The following CDH6 variants were observed in gnomAD, a reference collection of about 807,000 sequenced individuals.
CDH6 encodes cadherin-6.
A neutral mutation model predicts 78.0 loss-of-function variants in CDH6; 31 were observed. That is an observed-to-expected ratio of 0.40 (90% CI 0.30 to 0.54). The LOEUF is 0.54. Among genes scored for constraint, CDH6 ranks in the 20% least tolerant of loss-of-function variants. CDH6 has a pLI of 0.56. For missense variants in CDH6, 724 were observed against 975.9 expected (o/e 0.74, Z 3.44); for synonymous variants, 376 against 368.8 (o/e 1.02, Z -0.23).
At chr5:31,249,479 A>G (rs1284879352) in intron 1 of CDH6, 1 of 152,254 alleles carries the variant, frequency 6.6e-6, no homozygotes, top group Non-Finnish European at 1.5e-5. Flanking sequence ...GTACACCTAC[A>G]AGGAGAGTTT....
intron 2 of CDH6, among the ~76,000 whole-genome samples, chr5:31,279,778 A>G (rs1358530919): frequency 1.3e-5 from 2 of 152,142 alleles, no homozygotes; most frequent in Admixed American, 6.6e-5. Flanking sequence ...GTGGACGCAT[A>G]CAGTTCAAAT....
chr5:31,282,227 G>A (rs1331328966), intron 2 of CDH6, among the ~76,000 whole-genome samples: 1 of 152,006 alleles, frequency 6.6e-6, no homozygotes, highest in Non-Finnish European at 1.5e-5. Context: ...GGTTTCACTG[G>A]GCTAAAATCA....
At chr5:31,225,290 G>C (rs979237998) in intron 1 of CDH6, among the ~76,000 whole-genome samples, 1 of 152,210 alleles carries the variant, frequency 6.6e-6, no homozygotes, top group Non-Finnish European at 1.5e-5. Flanking sequence ...GCAGAGGGCT[G>C]ACATCATCCC....
In CDH6 at chr5:31,275,368, T is replaced by C. The variant is rs116747497; in HGVS notation, c.228+7667T>C. On this transcript the variant is annotated intron_variant, in intron 2 of 11. Transcript: ENST00000265071. ...CTCCCTCCCACCTCCCTCCCCACTC[T>C]AGTAGTCCCCAGTGCCTATTGTTGC... is the stretch of plus-strand genomic sequence containing the variant. Among the ~76,000 whole-genome samples the C allele has an allele frequency of 3.5e-3, 533 of 152,076 alleles. 3 individuals carry two copies. Among genetic ancestry groups the C allele is most frequent in the Non-Finnish European group, 4.8e-3 (329 of 67,938 alleles).
intron 3 of CDH6, among the ~76,000 whole-genome samples, chr5:31,296,644 T>C (rs112346289): frequency 1.3e-5 from 2 of 152,186 alleles, no homozygotes; most frequent in African/African-American, 4.8e-5. Flanking sequence ...TATTGGTAAG[T>C]AACAAGAAAT....
At chr5:31,297,256 A>G (rs1579894674) in intron 3 of CDH6, 33 bp from the exon 4 acceptor site, 2 of 1,590,942 alleles carry the variant, frequency 1.3e-6, no homozygotes, top group East Asian at 4.5e-5. Flanking sequence ...TGAACTCTTG[A>G]TGTGTTTTCA....
In CDH6 at chr5:31,321,498, A is replaced by T. The variant is rs1026650273; in HGVS notation, c.1883-1320A>T. Among the ~76,000 whole-genome samples the T allele has an allele frequency of 3.3e-5, 5 of 152,214 alleles. No individual in the cohort carries two copies. The East Asian group carries it at 7.7e-4, about 23-fold the overall frequency. ...TCCTCTTATGTAAAATGGGGTTTTAATGATGGTATCTACTTGTAGGGCTAT... is the reference window on the plus strand; with the variant it reads ...TCCTCTTATGTAAAATGGGGTTTTATTGATGGTATCTACTTGTAGGGCTAT... On this transcript the variant is annotated intron_variant, in intron 11 of 11. Transcript: ENST00000265071.
chr5:31,300,459 T>A (rs541402820), intron 5 of CDH6, among the ~76,000 whole-genome samples: 1 of 152,192 alleles, frequency 6.6e-6, no homozygotes, highest in South Asian at 2.1e-4. Flanking sequence ...GAAGTAGTTT[T>A]ATTTTCTTTA....
chr5:31,228,566 C>T (rs547311291), intron 1 of CDH6, among the ~76,000 whole-genome samples: 67 of 152,254 alleles, frequency 4.4e-4, no homozygotes, highest in Middle Eastern at 3.4e-3. Flanking sequence ...GCACTAGGAA[C>T]TGGTTTTGTG....
At chr5:31,243,429 C>A (rs1169850234) in intron 1 of CDH6, among the ~76,000 whole-genome samples, 2 of 152,198 alleles carry the variant, frequency 1.3e-5, no homozygotes, top group African/African-American at 2.4e-5. Context: ...GAATATTCAG[C>A]TCATCGGAAT....
chr5:31,195,590 A>G (rs141234967), intron 1 of CDH6, among the ~76,000 whole-genome samples: 19 of 152,282 alleles, frequency 1.2e-4, no homozygotes, highest in African/African-American at 4.3e-4. Context: ...GAACCGTAAA[A>G]CCAGTTGTGT....
At position 31,302,174 on chromosome 5, in the gene CDH6, C is replaced by G. The variant is rs368214193; in HGVS notation, c.875C>G (p.Ala292Gly). The change falls in exon 6 of 12, where the codon GCC becomes GGC. Residue 292 changes from alanine to glycine, a missense_variant. Transcript: ENST00000265071. ...PPGTPIGRIK[A>G]SDADVGENAE... ...GGGACACCAATTGGCAGAATCAAAG[C>G]CAGCGACGCTGATGTGGGAGAAAAT... 2 of 1,613,930 alleles carry G rather than the reference C, an allele frequency of 1.2e-6. No homozygotes were observed. Among genetic ancestry groups the G allele is most frequent in the African/African-American group, 2.7e-5 (2 of 75,034 alleles).
chr5:31,302,828 G>GA (rs1561066123), intron 6 of CDH6, among the ~76,000 whole-genome samples: 1 of 135,886 alleles, frequency 7.4e-6, no homozygotes, highest in Non-Finnish European at 1.6e-5. Flanking sequence ...AAGAAAGAAA[G>GA]AAAGAAAGAA....
Position 31,199,594 on chromosome 5 carries a change from CAT to C in CDH6, c.-129+5717_-129+5718del, listed in dbSNP as rs1211991530. Among the ~76,000 whole-genome samples, 18 of 145,068 alleles carry C rather than the reference CAT, an allele frequency of 1.2e-4. No homozygotes were observed. In the East Asian group the frequency reaches 3.0e-3, roughly 25 times the overall value. On this transcript the variant is annotated intron_variant, in intron 1 of 11. Transcript: ENST00000265071. ...CAGAGCATATATATCTATACACACA[CAT>C]ATATATATCATGGATAGAAGGAAAA...
intron 1 of CDH6, among the ~76,000 whole-genome samples, chr5:31,246,327 C>T (rs1741745767): frequency 6.6e-6 from 1 of 152,058 alleles, no homozygotes; most frequent in Admixed American, 6.6e-5. Context: ...TTTCTGCATC[C>T]CCCACTCCAT....
chr5:31,306,797 C>T (rs1361077182), intron 7 of CDH6, among the ~76,000 whole-genome samples: 1 of 151,836 alleles, frequency 6.6e-6, no homozygotes, highest in Non-Finnish European at 1.5e-5. Context: ...ATATGTAATA[C>T]GTCAGGCAAA....
chr5:31,286,724 A>G (rs1460503872), intron 2 of CDH6, among the ~76,000 whole-genome samples: 1 of 152,174 alleles, frequency 6.6e-6, no homozygotes, highest in African/African-American at 2.4e-5. Context: ...GTTGTTCTTA[A>G]GTTGATCTAG....
rs1579828200 is a variant in CDH6, at chr5:31,223,116, T to C, written c.-129+29230T>C. Among the ~76,000 whole-genome samples, 3 of 152,250 alleles carry C rather than the reference T, an allele frequency of 2.0e-5. No homozygotes were observed. In the South Asian group the frequency reaches 6.2e-4, roughly 32 times the overall value. ...AGTGTCTTTCAGTACCTGAAAAAAA[T>C]ACATCTCATTTTCTTTCCCTGTTGA... On this transcript the variant is annotated intron_variant, in intron 1 of 11. Transcript: ENST00000265071.
At chr5:31,319,028 G>A (rs76195548) in intron 11 of CDH6, 2 of 198,044 alleles carry the variant, frequency 1.0e-5, no homozygotes, top group African/African-American at 2.3e-5. Flanking sequence ...AAAACTGACA[G>A]TGTGCAAAGA....
Sources: allele counts gnomAD v4.1 joint callset (sites outside exome capture counted in the v4.1 genomes callset), GRCh38; gene constraint gnomAD v4.1.1; transcripts MANE v1.5; gene names NCBI Gene and HGNC (gene_info 2026-07-23, HGNC 2026-07-21).